RAP1GAP: variants seen among roughly 807,000 people sequenced by gnomAD.
RAP1GAP encodes rap1 GTPase-activating protein 1.
RAP1GAP carries 35 observed loss-of-function variants against 87.2 expected under a neutral mutation model. The ratio of observed to expected loss-of-function variants is 0.40; its 90% CI spans 0.31 to 0.53. RAP1GAP has a LOEUF of 0.53. RAP1GAP is among the 20% of genes least tolerant of loss of function. RAP1GAP has a pLI of 0.48. For missense variants in RAP1GAP, 734 were observed against 898.9 expected, an observed-to-expected ratio of 0.82 and a Z score of 2.35; for synonymous variants, 375 against 363.9, an observed-to-expected ratio of 1.03 and a Z score of -0.35.
At chr1:21,601,316 TC>T (rs113780592) in intron 20 of RAP1GAP, among the ~76,000 whole-genome samples, 16,036 of 152,040 alleles carry the variant, frequency 0.11, 1,526 homozygotes, top group African/African-American at 0.26. Flanking sequence ...TGGAGGTGTC[TC>T]CCCGAGGACC....
intron 2 of RAP1GAP, among the ~76,000 whole-genome samples, chr1:21,637,156 T>TC (rs1362399120): frequency 5.2e-4 from 77 of 148,980 alleles, no homozygotes; most frequent in Admixed American, 7.3e-4. Context: ...TTTTTTTTTT[T>TC]TTTTTTTGGT....
intron 2 of RAP1GAP, among the ~76,000 whole-genome samples, chr1:21,641,546 C>T (rs1020052431): frequency 2.6e-5 from 4 of 152,164 alleles, no homozygotes; most frequent in African/African-American, 9.7e-5. Context: ...GGATAACATG[C>T]GTGAAGCAAG....
At chr1:21,608,006 G>A (rs1385705294) in intron 17 of RAP1GAP, among the ~76,000 whole-genome samples, 1 of 147,894 alleles carries the variant, frequency 6.8e-6, no homozygotes, top group Non-Finnish European at 1.5e-5. Flanking sequence ...CCCCAGCCAC[G>A]CCCCCTCTCA....
chr1:21,613,561 A>G lies in RAP1GAP; in HGVS notation c.474+67T>C. ...CAGCTGAAGGGGACGCGCCAAGGCA[A>G]GCTGAAGCCCCACAGGTGCCCATCT... is the stretch of plus-strand genomic sequence containing the variant. On this transcript the variant is annotated intron_variant, in intron 9 of 24. Transcript: ENST00000374765. The surrounding 1 kb of genome is among the most constrained non-coding windows in gnomAD (Gnocchi z 4.7). 6.9e-7 allele frequency: 1 copy of G among 1,445,442 alleles called. No homozygotes were observed. Among genetic ancestry groups the G allele is most frequent in the South Asian group, 1.1e-5 (1 of 87,638 alleles). The allele number at this position is 1,445,442 out of a possible 1,614,324, so 89.5% of individuals were successfully genotyped here.
chr1:21,630,002 A>G (rs1181100999), intron 2 of RAP1GAP, among the ~76,000 whole-genome samples: 1 of 152,220 alleles, frequency 6.6e-6, no homozygotes, highest in Non-Finnish European at 1.5e-5. Context: ...GGTAATAGTA[A>G]CAACAGCAAC....
chr1:21,646,804 C>T (rs2096092467), intron 2 of RAP1GAP, among the ~76,000 whole-genome samples: 1 of 152,238 alleles, frequency 6.6e-6, no homozygotes, highest in Non-Finnish European at 1.5e-5. Flanking sequence ...CACTGTCCCA[C>T]TGGCTCCCAA....
chr1:21,649,611 TA>T, intron 2 of RAP1GAP, 149 bp downstream of exon 2: 1 of 866,042 alleles, frequency 1.2e-6, no homozygotes, highest in Non-Finnish European at 1.8e-6. Context: ...CTGGGGACAG[TA>T]AGAGGGTCTG....
chr1:21,621,576 C>A (rs1176392619), intron 3 of RAP1GAP, among the ~76,000 whole-genome samples: 1 of 152,224 alleles, frequency 6.6e-6, no homozygotes, highest in African/African-American at 2.4e-5. Context: ...AACACCTCTG[C>A]ATTTGAAAGA....
At chr1:21,660,807 T>C (rs1369609096) in intron 1 of RAP1GAP, among the ~76,000 whole-genome samples, 1 of 152,072 alleles carries the variant, frequency 6.6e-6, no homozygotes. Flanking sequence ...CTGTTAACAC[T>C]GTTGCCAGTA....
chr1:21,632,408 C>T (rs1015968616), intron 2 of RAP1GAP, among the ~76,000 whole-genome samples: 2 of 152,218 alleles, frequency 1.3e-5, no homozygotes, highest in Admixed American at 6.5e-5. Flanking sequence ...ACTCCTGGGA[C>T]TCTCACCGGA....
rs1230016134 is a variant in RAP1GAP, at chr1:21,601,747, T to C, written c.1589A>G (p.Gln530Arg). Residue 530 changes from glutamine (Q) to arginine (R), a missense_variant, in exon 20 of 25, where the codon CAG becomes CGG. Gln to Arg is a conservative substitution (Grantham distance 43, BLOSUM62 1). Transcript: ENST00000374765. ...GGATGAGTTCTCCGACTTGGGCTCCTGTGAGACGTGCCCGCTGTCTGGGGT... is the reference window on the plus strand; with the variant it reads ...GGATGAGTTCTCCGACTTGGGCTCCCGTGAGACGTGCCCGCTGTCTGGGGT... ...QKTPDSGHVS[Q>R]EPKSENSSTQ... is the part of the protein sequence containing the mutation. 1 of 1,611,740 alleles carries C rather than the reference T, an allele frequency of 6.2e-7. No homozygotes were observed. The highest frequency in any genetic ancestry group is 1.1e-5 in the South Asian group (1 of 90,854).
chr1:21,606,077 C>A lies in RAP1GAP; in HGVS notation c.1417G>T (p.Ala473Ser), dbSNP rs1201347639. ...GGGAGGGCACTCACTATTCCAGCCG[C>A]CTTGGCCAGGTCGGGGTTGTTGGGC... The part of the protein sequence containing the change: ...FAPNNPDLAK[A>S]AGISLIVPGK... The change falls in exon 18 of 25, where the codon GCG becomes TCG. Residue 473 changes from alanine to serine, a missense_variant. Ala to Ser is a moderately conservative substitution (Grantham distance 99). Around this residue, in one of 2 missense-constraint regions of RAP1GAP, gnomAD observed 485 missense variants for 646.2 expected, o/e 0.75. Coordinates refer to ENST00000374765, the MANE Select transcript of RAP1GAP (RefSeq NM_002885.4). The A allele has an allele frequency of 6.3e-7, 1 of 1,584,348 alleles. No homozygotes were observed.
At chr1:21,599,079 G>A (rs2066058374) in intron 21 of RAP1GAP, among the ~76,000 whole-genome samples, 1 of 152,248 alleles carries the variant, frequency 6.6e-6, no homozygotes, top group Non-Finnish European at 1.5e-5. Context: ...GTGAGACTCA[G>A]TCAAAAAGGA....
chr1:21,601,449 G>A (rs1018113123), intron 20 of RAP1GAP, among the ~76,000 whole-genome samples: 61 of 152,262 alleles, frequency 4.0e-4, no homozygotes, highest in African/African-American at 1.4e-3. Flanking sequence ...GCGGCCGTGA[G>A]GCGGGGACCT....
chr1:21,637,670 C>G (rs527897250), intron 2 of RAP1GAP, among the ~76,000 whole-genome samples: 4 of 152,204 alleles, frequency 2.6e-5, no homozygotes, highest in African/African-American at 9.6e-5. Context: ...CTTCAATGTC[C>G]ATTACAAGGA....
intron 5 of RAP1GAP, among the ~76,000 whole-genome samples, chr1:21,618,635 T>TG (rs1378842933): frequency 6.6e-6 from 1 of 152,116 alleles, no homozygotes; most frequent in African/African-American, 2.4e-5. Flanking sequence ...GGGCCTGAGT[T>TG]GGAGTCTTCC....
chr1:21,612,175 C>G (rs940348227), intron 10 of RAP1GAP, 66 bp from the exon 11 acceptor site: 1 of 1,305,286 alleles, frequency 7.7e-7, no homozygotes, highest in Non-Finnish European at 1.1e-6. Context: ...GCTCTTCCCC[C>G]GTGCCAAGCA....
In RAP1GAP at chr1:21,608,234, G is replaced by A. The variant is rs2076072143; in HGVS notation, c.1275C>T (p.Gly425=). 2 of 1,613,902 alleles carry A rather than the reference G, an allele frequency of 1.2e-6. No individual in the cohort carries two copies. The highest frequency in any genetic ancestry group is 3.3e-5 in the Admixed American group (2 of 59,984). ...EDKMENGSGG[G]GFFESFKRVI... Reference sequence around the variant, plus strand: ...TCACCTTGAAAGACTCAAAGAAGCCGCCGCCCCCACTGCCATTCTCCATCT... The same window carrying A: ...TCACCTTGAAAGACTCAAAGAAGCCACCGCCCCCACTGCCATTCTCCATCT... The change falls in exon 17 of 25, where the codon GGC becomes GGT. Residue 425 remains glycine (G), a synonymous_variant. Transcript: ENST00000374765.
At chr1:21,607,046 G>A (rs1160259224) in intron 17 of RAP1GAP, among the ~76,000 whole-genome samples, 1 of 152,216 alleles carries the variant, frequency 6.6e-6, no homozygotes, top group African/African-American at 2.4e-5. Context: ...GGGCAGCCGG[G>A]CTAATTCCCT....
Sources: allele counts gnomAD v4.1 joint callset (sites outside exome capture counted in the v4.1 genomes callset), GRCh38; gene constraint gnomAD v4.1.1; regional missense constraint gnomAD v4.1.1; non-coding constraint Gnocchi (gnomAD v3.1); transcripts MANE v1.5; gene names NCBI Gene and HGNC (gene_info 2026-07-23, HGNC 2026-07-21).